The following DISC1 variants were observed in gnomAD, a reference collection of about 807,000 sequenced individuals.
DISC1 encodes disrupted in schizophrenia 1 protein.
In DISC1, 57 loss-of-function variants were observed where a neutral mutation model predicts 84.5. The ratio of observed to expected loss-of-function variants is 0.67; its 90% CI spans 0.55 to 0.84. DISC1 has a LOEUF of 0.84. Ranked by LOEUF, DISC1 falls within the 40% of genes least tolerant of loss-of-function variation. The probability of loss-of-function intolerance (pLI) is 0.00; values close to 1 mark genes in which losing one functional copy is unlikely to be tolerated. For synonymous variants in DISC1, 411 were observed against 415.2 expected (o/e 0.99, Z 0.12); for missense variants, 1,000 against 1,057.8 (o/e 0.95, Z 0.76).
In DISC1 at chr1:231,735,407, C is replaced by T. The variant is rs115441136; in HGVS notation, c.1118-14519C>T. Among the ~76,000 whole-genome samples, 1,348 of 152,154 alleles carry T rather than the reference C, an allele frequency of 8.9e-3. 9 individuals are homozygous for T. Among genetic ancestry groups the T allele is most frequent in the Middle Eastern group, 0.014 (4 of 294 alleles). On this transcript the variant is annotated intron_variant, in intron 3 of 12. Transcript: ENST00000439617. ...TGTTTCTGTTGGCTACTGAATACTT[C>T]CTATGGGAAAGAGGTGGACGTGGTG...
chr1:231,991,721 G>A (rs1005686911), intron 10 of DISC1, among the ~76,000 whole-genome samples: 3 of 152,122 alleles, frequency 2.0e-5, no homozygotes, highest in Admixed American at 6.5e-5. Flanking sequence ...GGTGTGTGTG[G>A]TTTATTTGAA....
At chr1:231,974,000 G>A (rs906284177) in intron 10 of DISC1, among the ~76,000 whole-genome samples, 5 of 151,926 alleles carry the variant, frequency 3.3e-5, no homozygotes, top group African/African-American at 7.3e-5. Context: ...CTGAGTTGAC[G>A]GGGATTTTTT....
rs565810803 is a variant in DISC1 at position 231,954,354 on chromosome 1, T to G, written c.1982-4474T>G. Among the ~76,000 whole-genome samples the G allele has an allele frequency of 5.3e-5, 8 of 152,376 alleles. No individual in the cohort carries two copies. In the East Asian group the frequency reaches 1.5e-3, roughly 29 times the overall value. Reference sequence around the variant, plus strand: ...GTAGCATGATGTGTGTTTCATGCACTCTACTGTTTTCACTGATTTATGGCA... The same window carrying G: ...GTAGCATGATGTGTGTTTCATGCACGCTACTGTTTTCACTGATTTATGGCA... On this transcript the variant is annotated intron_variant, in intron 9 of 12. Transcript: ENST00000439617. The surrounding 1 kb of genome is among the most constrained non-coding windows in gnomAD (Gnocchi z 4.8).
intron 9 of DISC1, among the ~76,000 whole-genome samples, chr1:231,867,495 G>A (rs906909597): frequency 1.3e-5 from 2 of 152,208 alleles, no homozygotes; most frequent in African/African-American, 2.4e-5. Context: ...GAGGAGCAGA[G>A]AGCGCCTGTT....
intron 11 of DISC1, among the ~76,000 whole-genome samples, chr1:232,010,685 C>T (rs185211310): frequency 3.9e-5 from 6 of 152,258 alleles, no homozygotes; most frequent in Non-Finnish European, 8.8e-5. Flanking sequence ...AGACCCAAAG[C>T]AACAGAAACC....
chr1:231,982,039 G>T (rs973548870), intron 10 of DISC1, among the ~76,000 whole-genome samples: 2 of 152,176 alleles, frequency 1.3e-5, no homozygotes, highest in Non-Finnish European at 2.9e-5. Flanking sequence ...TGTGAAATTA[G>T]AGAGACCAGA....
At chr1:231,836,885 C>G (rs1247412795) in intron 9 of DISC1, among the ~76,000 whole-genome samples, 1 of 141,588 alleles carries the variant, frequency 7.1e-6, no homozygotes, top group Non-Finnish European at 1.6e-5. Context: ...CTCTGTCCTC[C>G]TTGGACCCAT....
At chr1:232,011,793 T>A (rs1416117499) in intron 11 of DISC1, among the ~76,000 whole-genome samples, 1 of 151,962 alleles carries the variant, frequency 6.6e-6, no homozygotes, top group Non-Finnish European at 1.5e-5. Flanking sequence ...AAAGTTTTTT[T>A]AAATGTCTAC....
Position 231,694,130 on chromosome 1 carries a change from T to A in DISC1, c.372T>A (p.Gly124=), listed in dbSNP as rs1461578163. 1 of 1,614,186 alleles carries A rather than the reference T, an allele frequency of 6.2e-7. No individual in the cohort carries two copies. The highest frequency in any genetic ancestry group is 1.3e-5 in the African/African-American group (1 of 75,054). The part of the protein sequence containing the change: ...TSAHFGIQLR[G]GTRLPDRLSW... Reference sequence around the variant, plus strand: ...CGCACTTTGGGATTCAGCTCAGAGGTGGCACCAGATTGCCTGACAGGCTTA... The same window carrying A: ...CGCACTTTGGGATTCAGCTCAGAGGAGGCACCAGATTGCCTGACAGGCTTA... The change falls in exon 2 of 13, where the codon GGT becomes GGA. Residue 124 remains glycine (G), a synonymous_variant. Transcript: ENST00000439617.
chr1:232,021,623 C>G (rs754963754), intron 11 of DISC1, among the ~76,000 whole-genome samples: 2 of 152,186 alleles, frequency 1.3e-5, no homozygotes, highest in Non-Finnish European at 2.9e-5. Flanking sequence ...TGAAGATGCA[C>G]TACCTGCTAG....
At chr1:231,655,597 C>T (rs1299587429) in intron 1 of DISC1, among the ~76,000 whole-genome samples, 4 of 151,980 alleles carry the variant, frequency 2.6e-5, no homozygotes, top group African/African-American at 9.7e-5. Context: ...GACTTCTTTT[C>T]CTTTGGGTAC....
intron 3 of DISC1, among the ~76,000 whole-genome samples, chr1:231,725,748 A>G (rs764231983): frequency 2.1e-4 from 32 of 151,486 alleles, no homozygotes; most frequent in Non-Finnish European, 4.1e-4. Flanking sequence ...CATTGTTGGT[A>G]TTTTCCGTTT....
chr1:231,899,964 G>C (rs968566523), intron 9 of DISC1, among the ~76,000 whole-genome samples: 2 of 152,138 alleles, frequency 1.3e-5, no homozygotes, highest in Non-Finnish European at 2.9e-5. Context: ...CTATATAAGT[G>C]ATTTCAGTGT....
chr1:231,773,341 T>C (rs2076697565), intron 6 of DISC1, among the ~76,000 whole-genome samples: 1 of 152,218 alleles, frequency 6.6e-6, no homozygotes, highest in African/African-American at 2.4e-5. Context: ...TGTGTGACTT[T>C]TACTGAGTAA....
At chr1:231,735,660 A>G (rs998018615) in intron 3 of DISC1, among the ~76,000 whole-genome samples, 2 of 152,228 alleles carry the variant, frequency 1.3e-5, no homozygotes, top group African/African-American at 4.8e-5. Context: ...TTTCATTTCC[A>G]AAGTGGGAGT....
intron 10 of DISC1, among the ~76,000 whole-genome samples, chr1:231,999,813 AAACAAC>A (rs71162205): frequency 0.074 from 11,210 of 150,506 alleles, 1,334 homozygotes; most frequent in African/African-American, 0.25. Flanking sequence ...TCAAGCAGAA[AAACAAC>A]AACAACAACA....
chr1:231,690,506 C>T (rs937140472), intron 1 of DISC1, among the ~76,000 whole-genome samples: 2 of 152,182 alleles, frequency 1.3e-5, no homozygotes, highest in Non-Finnish European at 2.9e-5. Flanking sequence ...AACCTCCTTC[C>T]GGAGCTGATT....
At chr1:231,750,485 C>G in intron 4 of DISC1, 1 of 999,796 alleles carries the variant, frequency 1.0e-6, no homozygotes, top group Non-Finnish European at 1.2e-6. Flanking sequence ...CCTCCTAACT[C>G]TGCCCTCCAG....
At chr1:231,929,590 GT>G (rs1478119006) in intron 9 of DISC1, among the ~76,000 whole-genome samples, 1 of 152,190 alleles carries the variant, frequency 6.6e-6, no homozygotes, top group Non-Finnish European at 1.5e-5. Context: ...AAATATGCAA[GT>G]CATCAGCCTT....
Sources: gnomAD v4.1 joint callset for allele counts (sites outside exome capture counted in the v4.1 genomes callset) on GRCh38, gnomAD v4.1.1 for gene constraint, Gnocchi (gnomAD v3.1) non-coding constraint, MANE v1.5 for transcripts, NCBI Gene and HGNC (gene_info 2026-07-23, HGNC 2026-07-21) for gene names.